Variants in SPAG17 observed in about 807,000 individuals in gnomAD.
The protein encoded by SPAG17 is sperm associated antigen 17.
In SPAG17, 169 loss-of-function variants were observed where a neutral mutation model predicts 273.6. The observed-to-expected ratio is 0.62, with a 90% CI of 0.55 to 0.70. The LOEUF (loss-of-function observed/expected upper bound fraction) is 0.70. SPAG17 is among the 30% of genes least tolerant of loss of function. The pLI is 0.00. For synonymous variants in SPAG17, 825 were observed against 873.2 expected, an observed-to-expected ratio of 0.94 and a Z score of 0.97; for missense variants, 2,557 against 2,627.8, an observed-to-expected ratio of 0.97 and a Z score of 0.59.
Position 118,151,317 on chromosome 1 carries a change from TC to T in SPAG17, c.139del (p.Asp47IlefsTer34), listed in dbSNP as rs751728076. On this transcript the variant is annotated frameshift_variant, in exon 2 of 49. Transcript: ENST00000336338. LOFTEE classifies it high-confidence loss of function. The stretch of plus-strand genomic sequence containing the variant: ...CACGGTAAGGGCTTGGATGAGAAGA[TC>T]ATCTTCAATCTGGTTCCCAACCACA... ...AFVVGNQIEDDLLIQALTVAV... is the reference protein window; with the variant it reads ...AFVVGNQIEDXLLIQALTVAV... The T allele has an allele frequency of 6.2e-7, 1 of 1,613,206 alleles. No individual in the cohort carries two copies.
chr1:118,091,860 G>A (rs757871125), intron 9 of SPAG17, 70 bp downstream of exon 9: 2 of 1,488,280 alleles, frequency 1.3e-6, no homozygotes, highest in East Asian at 4.5e-5. Context: ...AAGTAATATG[G>A]AGGGCAGTCA....
chr1:118,017,118 G>A (rs1291835597), intron 28 of SPAG17, among the ~76,000 whole-genome samples: 3 of 152,138 alleles, frequency 2.0e-5, no homozygotes, highest in Non-Finnish European at 2.9e-5. Context: ...GATAAATCAG[G>A]TTGAGCCTTT....
intron 8 of SPAG17, among the ~76,000 whole-genome samples, chr1:118,092,383 A>C (rs1465723129): frequency 1.3e-5 from 2 of 152,120 alleles, no homozygotes; most frequent in East Asian, 3.9e-4. Context: ...CTCTCAACTT[A>C]GCACCAAAGG....
intron 1 of SPAG17, among the ~76,000 whole-genome samples, chr1:118,175,322 G>A (rs138481494): frequency 1.2e-3 from 176 of 152,202 alleles, no homozygotes; most frequent in African/African-American, 4.0e-3. Flanking sequence ...GAGCCACTGC[G>A]CCCAGCTGGA....
At chr1:117,973,352 A>T in intron 44 of SPAG17, 73 bp downstream of exon 44, 2 of 1,555,118 alleles carry the variant, frequency 1.3e-6, no homozygotes, top group East Asian at 2.3e-5. Flanking sequence ...AGCAGGATTG[A>T]AAAAAATAAA....
intron 43 of SPAG17, among the ~76,000 whole-genome samples, chr1:117,974,768 A>G (rs1192064834): frequency 6.6e-6 from 1 of 152,172 alleles, no homozygotes; most frequent in Non-Finnish European, 1.5e-5. Context: ...AGTATTTTAG[A>G]TCATGGTAGT....
intron 7 of SPAG17, among the ~76,000 whole-genome samples, chr1:118,094,657 T>C (rs1655596006): frequency 6.6e-6 from 1 of 152,188 alleles, no homozygotes; most frequent in African/African-American, 2.4e-5. Context: ...ATTATAATTT[T>C]TATGCTTATT....
At chr1:118,128,814 G>T (rs571338994) in intron 3 of SPAG17, among the ~76,000 whole-genome samples, 1 of 152,330 alleles carries the variant, frequency 6.6e-6, no homozygotes, top group African/African-American at 2.4e-5. Flanking sequence ...CTTCATAGGA[G>T]AATCTGACTT....
At chr1:117,967,754 GTTC>G (rs1654041772) in intron 46 of SPAG17, among the ~76,000 whole-genome samples, 1 of 152,158 alleles carries the variant, frequency 6.6e-6, no homozygotes, top group Admixed American at 6.5e-5. Context: ...GTCTTGCCTT[GTTC>G]TTTGAAAAGA....
At chr1:117,969,670 C>G (rs931903424) in intron 46 of SPAG17, among the ~76,000 whole-genome samples, 2 of 152,058 alleles carry the variant, frequency 1.3e-5, no homozygotes, top group South Asian at 4.1e-4. Context: ...AGAGAGCAAA[C>G]CAGATTTACG....
rs1659086939 is a variant in SPAG17, at chr1:118,008,092, G to A, written c.4539C>T (p.Thr1513=). The A allele has an allele frequency of 1.2e-6, 2 of 1,614,030 alleles. No homozygotes were observed. The highest frequency in any genetic ancestry group is 1.7e-6 in the Non-Finnish European group (2 of 1,179,956). The change falls in exon 31 of 49, where the codon ACC becomes ACT. Residue 1513 remains threonine, a synonymous_variant. Transcript: ENST00000336338. ...CAATAATAGTTGTTCCATCTCCAAA[G>A]GTGGCACAGCAGCTACTGTCCTCAC... ...ANCEDSSCCA[T]FGDGTTIIAK...
chr1:118,177,355 G>A (rs1660742709), intron 1 of SPAG17, among the ~76,000 whole-genome samples: 1 of 152,040 alleles, frequency 6.6e-6, no homozygotes, highest in Admixed American at 6.6e-5. Flanking sequence ...AAGATCTTGC[G>A]AGATTCCCTC....
intron 3 of SPAG17, among the ~76,000 whole-genome samples, chr1:118,124,764 G>A (rs535243051): frequency 1.3e-5 from 2 of 152,270 alleles, no homozygotes; most frequent in South Asian, 4.1e-4. Context: ...CAGAAACTGA[G>A]GCCTGGTGAT....
chr1:117,988,085 ACAT>A lies in SPAG17; in HGVS notation c.5621+17_5621+19del. ...CTGCATACCTAATACTAATTAGAAC[ACAT>A]TATTGGATTAGCTTACCTCCATGTC... On this transcript the variant is annotated intron_variant, in intron 39 of 48. Coordinates refer to ENST00000336338, the MANE Select transcript of SPAG17 (RefSeq NM_206996.4). 2 of 1,574,090 alleles carry A rather than the reference ACAT, an allele frequency of 1.3e-6. No individual in the cohort carries two copies. Among genetic ancestry groups the A allele is most frequent in the Middle Eastern group, 3.4e-4 (2 of 5,880 alleles).
chr1:118,109,092 A>C (rs563788261), intron 4 of SPAG17, among the ~76,000 whole-genome samples: 2 of 152,234 alleles, frequency 1.3e-5, no homozygotes, highest in Non-Finnish European at 2.9e-5. Flanking sequence ...AATGAAAGGA[A>C]GATAAATGGT....
chr1:118,072,193 T>A (rs535651647), intron 17 of SPAG17, among the ~76,000 whole-genome samples: 54 of 152,362 alleles, frequency 3.5e-4, no homozygotes, highest in African/African-American at 1.2e-3. Context: ...AAAAATGCTT[T>A]TTAATTTAGC....
chr1:117,988,085 A>G lies in SPAG17; in HGVS notation c.5621+20T>C, dbSNP rs773551447. The G allele has an allele frequency of 1.1e-5, 17 of 1,574,090 alleles. No individual in the cohort carries two copies. In the South Asian group the frequency reaches 1.9e-4, roughly 18 times the overall value. On this transcript the variant is annotated intron_variant, in intron 39 of 48. Transcript: ENST00000336338. ...CTGCATACCTAATACTAATTAGAACACATTATTGGATTAGCTTACCTCCAT... is the reference window on the plus strand; with the variant it reads ...CTGCATACCTAATACTAATTAGAACGCATTATTGGATTAGCTTACCTCCAT...
intron 17 of SPAG17, among the ~76,000 whole-genome samples, chr1:118,067,302 T>G (rs1653080741): frequency 6.6e-6 from 1 of 152,208 alleles, no homozygotes; most frequent in African/African-American, 2.4e-5. Flanking sequence ...TCACCATCCC[T>G]ATTTATATGT....
rs1409098901 is a variant in SPAG17, at chr1:118,039,341, A to G, written c.3270T>C (p.Tyr1090=). The G allele has an allele frequency of 1.9e-6, 3 of 1,613,508 alleles. No individual in the cohort carries two copies. The highest frequency in any genetic ancestry group is 2.5e-6 in the Non-Finnish European group (3 of 1,179,606). ...EIVKKEEKGD[Y]YLEEEEEGDE... is the part of the protein sequence containing the mutation. ...CTCCTTCTTCTTCCTCTTCTAAATA[A>G]TAATCCCCTTTCTCTTCCTTTTTCA... Residue 1090 remains tyrosine (Y), a synonymous_variant, in exon 23 of 49, where the codon TAT becomes TAC. Coordinates refer to ENST00000336338, the MANE Select transcript of SPAG17 (RefSeq NM_206996.4).
Sources: allele counts gnomAD v4.1 joint callset (sites outside exome capture counted in the v4.1 genomes callset), GRCh38; gene constraint gnomAD v4.1.1; transcripts MANE v1.5; gene names NCBI Gene and HGNC (gene_info 2026-07-23, HGNC 2026-07-21).